PDE4B: variants seen among roughly 807,000 people sequenced by gnomAD.
PDE4B encodes 3',5'-cyclic-AMP phosphodiesterase 4B.
Under a neutral mutation model 82.2 loss-of-function variants are expected in PDE4B, and 20 were observed. That is an observed-to-expected ratio of 0.24 (90% confidence interval 0.17 to 0.35). PDE4B has a LOEUF of 0.35. PDE4B is among the 10% of genes least tolerant of loss of function. The probability of loss-of-function intolerance (pLI) is 1.00; values close to 1 mark genes in which losing one functional copy is unlikely to be tolerated. For synonymous variants in PDE4B, 320 were observed against 318.9 expected (o/e 1.00, Z -0.04); for missense variants, 655 against 907.2 (o/e 0.72, Z 3.57).
intron 3 of PDE4B, among the ~76,000 whole-genome samples, chr1:66,208,324 G>T (rs146662769): frequency 6.6e-6 from 1 of 152,076 alleles, no homozygotes; most frequent in East Asian, 1.9e-4. Flanking sequence ...TGTTGAGTGC[G>T]TACCATGTGG....
chr1:66,123,075 T>G (rs764997532), intron 3 of PDE4B, among the ~76,000 whole-genome samples: 3 of 152,188 alleles, frequency 2.0e-5, no homozygotes, highest in Admixed American at 6.5e-5. Flanking sequence ...CTTTATTGGG[T>G]GCTTCCAGTC....
At chr1:65,985,071 TAAAC>T (rs1033218542) in intron 3 of PDE4B, among the ~76,000 whole-genome samples, 120 of 152,240 alleles carry the variant, frequency 7.9e-4, no homozygotes, top group African/African-American at 2.6e-3. Context: ...AGATTTAAAA[TAAAC>T]AGACTATGTA....
chr1:66,288,893 C>T (rs1053288560), intron 7 of PDE4B, among the ~76,000 whole-genome samples: 2 of 152,134 alleles, frequency 1.3e-5, no homozygotes, highest in Non-Finnish European at 2.9e-5. Flanking sequence ...TTGTCATGAT[C>T]CAGCTTTTTA....
intron 1 of PDE4B, among the ~76,000 whole-genome samples, chr1:65,880,743 T>A (rs1433888266): frequency 6.6e-6 from 1 of 152,186 alleles, no homozygotes; most frequent in Non-Finnish European, 1.5e-5. Context: ...GTTAATAAGC[T>A]ACCCAGTCTA....
At chr1:65,946,556 T>G (rs1468259920) in intron 3 of PDE4B, among the ~76,000 whole-genome samples, 1 of 151,992 alleles carries the variant, frequency 6.6e-6, no homozygotes, top group Non-Finnish European at 1.5e-5. Flanking sequence ...TCATTTGAGT[T>G]TCCATGGTTT....
At chr1:65,958,766 A>T (rs1437239815) in intron 3 of PDE4B, among the ~76,000 whole-genome samples, 1 of 148,222 alleles carries the variant, frequency 6.7e-6, no homozygotes, top group South Asian at 2.1e-4. Context: ...GCGCGCGCGC[A>T]CACACATACA....
chr1:66,298,744 T>G (rs1657682919), intron 7 of PDE4B, among the ~76,000 whole-genome samples: 1 of 151,998 alleles, frequency 6.6e-6, no homozygotes, highest in Non-Finnish European at 1.5e-5. Flanking sequence ...CCCTGAAAAA[T>G]TGTGGAGAGG....
At chr1:66,055,157 A>G (rs1048955241) in intron 3 of PDE4B, among the ~76,000 whole-genome samples, 4 of 152,236 alleles carry the variant, frequency 2.6e-5, no homozygotes, top group Non-Finnish European at 5.9e-5. Context: ...GAACTTAATC[A>G]TGAGTGAACT....
intron 3 of PDE4B, among the ~76,000 whole-genome samples, chr1:65,989,276 A>T: frequency 6.6e-6 from 1 of 152,100 alleles, no homozygotes; most frequent in Admixed American, 6.6e-5. Context: ...TGAGGCAGGC[A>T]GATTACATGA....
At chr1:65,928,152 C>G (rs771706551) in intron 3 of PDE4B, among the ~76,000 whole-genome samples, 2 of 150,424 alleles carry the variant, frequency 1.3e-5, no homozygotes, top group African/African-American at 2.5e-5. Context: ...ATTCACTGCT[C>G]AAATTGTCGA....
chr1:65,929,449 A>ATAG (rs576873533), intron 3 of PDE4B, among the ~76,000 whole-genome samples: 167 of 152,254 alleles, frequency 1.1e-3, no homozygotes, highest in African/African-American at 3.9e-3. Context: ...TCTCACTTTA[A>ATAG]TAGACACCTG....
chr1:66,171,503 G>GA (rs576238090), intron 3 of PDE4B, among the ~76,000 whole-genome samples: 1 of 152,062 alleles, frequency 6.6e-6, no homozygotes, highest in Non-Finnish European at 1.5e-5. Context: ...ATTAAAAAGG[G>GA]AAAAATTATT....
At chr1:65,993,821 A>C (rs1651383243) in intron 3 of PDE4B, among the ~76,000 whole-genome samples, 1 of 152,188 alleles carries the variant, frequency 6.6e-6, no homozygotes, top group East Asian at 1.9e-4. Context: ...AATAAATTCA[A>C]GAACCCTCTG....
intron 7 of PDE4B, among the ~76,000 whole-genome samples, chr1:66,272,914 C>T (rs533756796): frequency 3.7e-4 from 56 of 150,936 alleles, no homozygotes; most frequent in Middle Eastern, 3.4e-3. Context: ...CCTCAGCCTC[C>T]CATGTAACTG....
chr1:66,114,902 C>T (rs1645564995), intron 3 of PDE4B, among the ~76,000 whole-genome samples: 1 of 152,104 alleles, frequency 6.6e-6, no homozygotes, highest in Non-Finnish European at 1.5e-5. Flanking sequence ...TCCTAAAGTA[C>T]TGGGATTACA....
At chr1:65,963,279 C>T (rs181382891) in intron 3 of PDE4B, among the ~76,000 whole-genome samples, 14 of 152,296 alleles carry the variant, frequency 9.2e-5, no homozygotes, top group Non-Finnish European at 1.6e-4. Context: ...GGCCCTGCGA[C>T]TGCAGGCAGT....
At chr1:65,948,468 A>G (rs562424875) in intron 3 of PDE4B, among the ~76,000 whole-genome samples, 53 of 152,104 alleles carry the variant, frequency 3.5e-4, no homozygotes, top group Admixed American at 4.6e-4. Context: ...AGTATCCAGC[A>G]TGGGAGAAAG....
intron 3 of PDE4B, among the ~76,000 whole-genome samples, chr1:66,193,715 G>A (rs2101488777): frequency 6.6e-6 from 1 of 152,208 alleles, no homozygotes; most frequent in South Asian, 2.1e-4. Context: ...TTAAATTGTA[G>A]CTGACCTTTG....
intron 3 of PDE4B, among the ~76,000 whole-genome samples, chr1:65,968,404 A>G (rs1329876959): frequency 6.6e-6 from 1 of 152,156 alleles, no homozygotes; most frequent in Non-Finnish European, 1.5e-5. Flanking sequence ...GTCATGCAGA[A>G]CAGGCCTGTA....
Sources: allele counts gnomAD v4.1 joint callset (sites outside exome capture counted in the v4.1 genomes callset), GRCh38; gene constraint gnomAD v4.1.1; transcripts MANE v1.5; gene names NCBI Gene and HGNC (gene_info 2026-07-23, HGNC 2026-07-21).